TMEM74: variants seen among roughly 807,000 people sequenced by gnomAD.
TMEM74 encodes the protein transmembrane protein 74.
TMEM74 carries 13 observed loss-of-function variants against 18.1 expected under a neutral mutation model. That is an observed-to-expected ratio of 0.72 (90% confidence interval 0.47 to 1.14). TMEM74 has a LOEUF of 1.14. Among genes scored for constraint, TMEM74 ranks in the 50% most tolerant of loss-of-function variants. The pLI, the probability that TMEM74 is intolerant of heterozygous loss-of-function variation, is 0.00. For missense variants in TMEM74, 372 were observed against 375.9 expected (o/e 0.99, Z 0.09); for synonymous variants, 159 against 146.6 (o/e 1.08, Z -0.61).
At chr8:108,648,323 G>C (rs577964452) in intron 2 of TMEM74, among the ~76,000 whole-genome samples, 2 of 152,224 alleles carry the variant, frequency 1.3e-5, no homozygotes, top group Admixed American at 6.5e-5. Flanking sequence ...GCATGAGCAA[G>C]CCTGCAGGGG....
rs1812288866 is a variant in TMEM74 at position 108,607,588 on chromosome 8, G to A, written n.517C>T. The A allele has an allele frequency of 2.6e-5, 4 of 152,302 alleles. No homozygotes were observed. In the South Asian group the frequency reaches 6.2e-4, roughly 24 times the overall value. The allele number at this position is 152,302 out of a possible 1,614,324, so 9.4% of individuals were successfully genotyped here. A position where few individuals can be genotyped will look rare whatever the true frequency, so the allele number is the denominator to read the frequency against. ...AATAATCACTAATTATATTGTAGAA[G>A]CTCTTGCTGTATCACATATAGTGAT... On this transcript the variant is annotated non_coding_transcript_exon_variant, in exon 4 of 4. Transcript: ENST00000518838.
At chr8:108,757,089 A>G (rs892891887) in intron 1 of TMEM74, among the ~76,000 whole-genome samples, 3 of 152,110 alleles carry the variant, frequency 2.0e-5, no homozygotes, top group Non-Finnish European at 4.4e-5. Flanking sequence ...CAAAGGAGAA[A>G]TAAGATACTA....
chr8:108,660,286 G>T (rs1812887152), intron 1 of TMEM74, among the ~76,000 whole-genome samples: 1 of 152,098 alleles, frequency 6.6e-6, no homozygotes, highest in African/African-American at 2.4e-5. Context: ...CAATATTCTA[G>T]CTCAGCTTTT....
intron 1 of TMEM74, among the ~76,000 whole-genome samples, chr8:108,698,028 T>C (rs1162539296): frequency 1.3e-5 from 2 of 152,192 alleles, no homozygotes; most frequent in African/African-American, 4.8e-5. Flanking sequence ...ATGTGGTTTT[T>C]TTTCCTCCTT....
Position 108,782,744 on chromosome 8 carries a change from C to A in TMEM74, c.*1437G>T, listed in dbSNP as rs556677321. 1.3e-5 allele frequency among the ~76,000 whole-genome samples: 2 copies of A among 152,354 alleles called. No homozygotes were observed. Among genetic ancestry groups the A allele is most frequent in the African/African-American group, 4.8e-5 (2 of 41,586 alleles). On this transcript the variant is annotated 3_prime_UTR_variant, in exon 2 of 2. Transcript: ENST00000297459. ...CATACCAATTCCCAGCTCCTGTCCTCTTTTTAAGAATGACCCCCTGATCCT... is the reference window on the plus strand; with the variant it reads ...CATACCAATTCCCAGCTCCTGTCCTATTTTTAAGAATGACCCCCTGATCCT...
intron 1 of TMEM74, among the ~76,000 whole-genome samples, chr8:108,698,644 A>C (rs998512061): frequency 6.6e-6 from 1 of 152,226 alleles, no homozygotes; most frequent in Non-Finnish European, 1.5e-5. Flanking sequence ...ATATTTACTC[A>C]GAAACATCAG....
intron 2 of TMEM74, among the ~76,000 whole-genome samples, chr8:108,647,228 G>T (rs1354621289): frequency 1.3e-5 from 2 of 152,098 alleles, no homozygotes; most frequent in Non-Finnish European, 2.9e-5. Context: ...AAATACCTCA[G>T]CTTTTATTTT....
At chr8:108,624,020 C>A (rs1380403127) in intron 2 of TMEM74, among the ~76,000 whole-genome samples, 1 of 152,016 alleles carries the variant, frequency 6.6e-6, no homozygotes, top group African/African-American at 2.4e-5. Context: ...ATTCTTCCAG[C>A]CATAGTCAGA....
intron 1 of TMEM74, among the ~76,000 whole-genome samples, chr8:108,671,668 T>A (rs1362495565): frequency 6.6e-6 from 1 of 152,084 alleles, no homozygotes; most frequent in Non-Finnish European, 1.5e-5. Flanking sequence ...TCTGGAAGTA[T>A]GTAATTGGTA....
At chr8:108,608,002 G>A (rs924164206) in intron 3 of TMEM74, among the ~76,000 whole-genome samples, 1 of 151,988 alleles carries the variant, frequency 6.6e-6, no homozygotes, top group African/African-American at 2.4e-5. Flanking sequence ...TGCTGATGTA[G>A]GCTATGTAGA....
At chr8:108,648,019 G>A (rs1012620613) in intron 2 of TMEM74, among the ~76,000 whole-genome samples, 2 of 152,110 alleles carry the variant, frequency 1.3e-5, no homozygotes, top group Admixed American at 6.6e-5. Flanking sequence ...AAAGACCTCA[G>A]TTATTCCAAT....
intron 1 of TMEM74, among the ~76,000 whole-genome samples, chr8:108,714,118 TAATCTTCTCTAGAAACA>T (rs1252718459): frequency 1.3e-5 from 2 of 152,174 alleles, no homozygotes; most frequent in African/African-American, 4.8e-5. Context: ...ACTCACATGC[TAATCTTCTCTAGAAACA>T]CCCTCACAGA....
At chr8:108,721,020 C>T (rs1288276737) in intron 1 of TMEM74, among the ~76,000 whole-genome samples, 2 of 152,164 alleles carry the variant, frequency 1.3e-5, no homozygotes, top group African/African-American at 4.8e-5. Flanking sequence ...CCGCCCGCCT[C>T]GACCTCCCAA....
chr8:108,732,740 C>A, intron 1 of TMEM74, among the ~76,000 whole-genome samples: 1 of 148,208 alleles, frequency 6.7e-6, no homozygotes, highest in African/African-American at 2.6e-5. Context: ...GATCATGGGC[C>A]TATAAGGAAA....
chr8:108,615,540 G>C (rs1812374312), intron 2 of TMEM74, among the ~76,000 whole-genome samples: 1 of 152,150 alleles, frequency 6.6e-6, no homozygotes, highest in Non-Finnish European at 1.5e-5. Context: ...GCTGTTGTAG[G>C]TGGCATTCCC....
intron 2 of TMEM74, among the ~76,000 whole-genome samples, chr8:108,653,585 C>T (rs1367048599): frequency 6.6e-6 from 1 of 152,094 alleles, no homozygotes; most frequent in Admixed American, 6.6e-5. Flanking sequence ...TGTCTTAATT[C>T]ATCTTTTGTA....
intron 1 of TMEM74, among the ~76,000 whole-genome samples, chr8:108,759,107 G>A (rs1442108127): frequency 1.3e-5 from 2 of 151,914 alleles, no homozygotes; most frequent in African/African-American, 4.8e-5. Context: ...TAAAAATTGT[G>A]GGAATAATAA....
chr8:108,644,334 C>T (rs1231697579), intron 2 of TMEM74, among the ~76,000 whole-genome samples: 1 of 152,054 alleles, frequency 6.6e-6, no homozygotes, highest in African/African-American at 2.4e-5. Flanking sequence ...CTACTTTTTA[C>T]CAGATGCAAA....
chr8:108,683,751 A>G (rs551046673), intron 1 of TMEM74, among the ~76,000 whole-genome samples: 22 of 152,098 alleles, frequency 1.4e-4, no homozygotes, highest in Non-Finnish European at 3.1e-4. Context: ...CATTTATCAT[A>G]TTCTCCCTCT....
Sources: gnomAD v4.1 joint callset for allele counts (sites outside exome capture counted in the v4.1 genomes callset) on GRCh38, gnomAD v4.1.1 for gene constraint, MANE v1.5 for transcripts, NCBI Gene and HGNC (gene_info 2026-07-23, HGNC 2026-07-21) for gene names.